PRPF3: variants seen among roughly 807,000 people sequenced by gnomAD.
The protein encoded by PRPF3 is U4/U6 small nuclear ribonucleoprotein Prp3.
A neutral mutation model predicts 89.2 loss-of-function variants in PRPF3; 3 were observed. The ratio of observed to expected loss-of-function variants is 0.03; its 90% confidence interval spans 0.02 to 0.09. PRPF3 has a LOEUF of 0.09. PRPF3 is among the 10% of genes least tolerant of loss of function. PRPF3 has a pLI of 1.00. For synonymous variants in PRPF3, 270 were observed against 289.1 expected, an observed-to-expected ratio of 0.93 and a Z score of 0.67; for missense variants, 463 against 828.8, an observed-to-expected ratio of 0.56 and a Z score of 5.42.
chr1:150,350,453 C>T (rs1285376895), intron 15 of PRPF3, among the ~76,000 whole-genome samples: 3 of 152,142 alleles, frequency 2.0e-5, no homozygotes, highest in African/African-American at 7.2e-5. Context: ...CTGCCTTGGC[C>T]TCCCAAAGTG....
At chr1:150,350,175 C>CA (rs1262258548) in intron 15 of PRPF3, among the ~76,000 whole-genome samples, 1 of 150,142 alleles carries the variant, frequency 6.7e-6, no homozygotes, top group Non-Finnish European at 1.5e-5. Context: ...GGATTACAGG[C>CA]ATGAGCCACT....
intron 4 of PRPF3, 128 bp from the exon 5 acceptor site, chr1:150,332,556 A>G: frequency 1.1e-6 from 1 of 898,724 alleles, no homozygotes; most frequent in Non-Finnish European, 1.8e-6. Context: ...TGGTGCAGGC[A>G]GAATGTGGTA....
intron 7 of PRPF3, among the ~76,000 whole-genome samples, chr1:150,335,649 G>A (rs1656889978): frequency 6.6e-6 from 1 of 151,572 alleles, no homozygotes; most frequent in Non-Finnish European, 1.5e-5. Flanking sequence ...ATTTTTGGTG[G>A]AGACGGGGTT....
At chr1:150,340,751 A>G (rs758675895) in intron 9 of PRPF3, among the ~76,000 whole-genome samples, 4 of 152,064 alleles carry the variant, frequency 2.6e-5, no homozygotes, top group Non-Finnish European at 4.4e-5. Context: ...AGGCCAAGGC[A>G]GGAGGATTGC....
At chr1:150,347,245 GAT>G (rs35619920) in intron 14 of PRPF3, among the ~76,000 whole-genome samples, 3 of 149,568 alleles carry the variant, frequency 2.0e-5, no homozygotes, top group East Asian at 3.9e-4. Context: ...TCTTTTGTCT[GAT>G]ATATATATAT....
intron 15 of PRPF3, among the ~76,000 whole-genome samples, chr1:150,349,538 TG>T (rs1315848969): frequency 6.6e-6 from 1 of 152,150 alleles, no homozygotes; most frequent in Non-Finnish European, 1.5e-5. Context: ...AATGAATTGT[TG>T]TTGGATTTAC....
intron 3 of PRPF3, among the ~76,000 whole-genome samples, chr1:150,326,967 A>T (rs1001030340): frequency 6.6e-6 from 1 of 151,902 alleles, no homozygotes; most frequent in Non-Finnish European, 1.5e-5. Context: ...TTTCAGACCT[A>T]TGTTGAATTT....
At chr1:150,331,093 A>G (rs1369577694) in intron 4 of PRPF3, among the ~76,000 whole-genome samples, 1 of 151,998 alleles carries the variant, frequency 6.6e-6, no homozygotes, top group Non-Finnish European at 1.5e-5. Context: ...GCTGGAGTGC[A>G]ATGCCGTGAT....
chr1:150,341,284 T>C lies in PRPF3; in HGVS notation c.1282+807T>C, dbSNP rs1442658107. 5.3e-5 allele frequency among the ~76,000 whole-genome samples: 8 copies of C among 152,016 alleles called. 1 individual carries two copies. Among genetic ancestry groups the C allele is most frequent in the African/African-American group, 1.9e-4 (8 of 41,394 alleles). On this transcript the variant is annotated intron_variant, in intron 9 of 15. Coordinates refer to ENST00000324862, the MANE Select transcript of PRPF3 (RefSeq NM_004698.4). ...AAATGCAAATGCAAGAGCCAAACTC[T>C]TGGGTTGGTGTGTTATTAGATGCGA... is the stretch of plus-strand genomic sequence containing the variant.
chr1:150,352,888 A>G lies in PRPF3; in HGVS notation c.1961A>G (p.Glu654Gly). ...GEMKFKQCPT[E>G]NMAREHFKKH... ...ATGAAGTTTAAACAGTGTCCTACAG[A>G]GAACATGGCTCGTGAGCATTTCAAA... The change falls in exon 16 of 16, where the codon GAG becomes GGG. Residue 654 changes from glutamate (E) to glycine (G), a missense_variant. Coordinates refer to ENST00000324862, the MANE Select transcript of PRPF3 (RefSeq NM_004698.4). 1 of 1,614,228 alleles carries G rather than the reference A, an allele frequency of 6.2e-7. No homozygotes were observed. Among genetic ancestry groups the G allele is most frequent in the East Asian group, 2.2e-5 (1 of 44,888 alleles).
intron 15 of PRPF3, among the ~76,000 whole-genome samples, 155 bp from the exon 16 acceptor site, chr1:150,352,678 T>C (rs1659064837): frequency 6.6e-6 from 1 of 151,954 alleles, no homozygotes; most frequent in African/African-American, 2.4e-5. Flanking sequence ...AAAACACAAA[T>C]ATCCAAGGAA....
In PRPF3 at chr1:150,343,271, T is replaced by G. The variant is rs587629760; in HGVS notation, c.1283-38T>G. On this transcript the variant is annotated intron_variant, in intron 9 of 15. Transcript: ENST00000324862. ...AAAATATATATATATATATATGTATTCTTACTGCTTTGGTATACTAATATC... is the reference window on the plus strand; with the variant it reads ...AAAATATATATATATATATATGTATGCTTACTGCTTTGGTATACTAATATC... 19 of 1,436,600 alleles carry G rather than the reference T, an allele frequency of 1.3e-5. No individual in the cohort carries two copies. The South Asian group carries it at 2.0e-4, about 15-fold the overall frequency. 89.0% of individuals were successfully genotyped at this position (1,436,600 alleles called of 1,614,324 possible). A position where few individuals can be genotyped will look rare whatever the true frequency, so the allele number is the denominator to read the frequency against.
At chr1:150,346,330 T>C in intron 13 of PRPF3, 78 bp from the exon 14 acceptor site, 1 of 1,447,360 alleles carries the variant, frequency 6.9e-7, no homozygotes, top group Non-Finnish European at 9.7e-7. Flanking sequence ...AACTACCACA[T>C]TAATGTCTGA....
At chr1:150,349,102 A>T (rs1240379996) in intron 14 of PRPF3, 55 bp from the exon 15 acceptor site, 5 of 1,397,272 alleles carry the variant, frequency 3.6e-6, no homozygotes, top group Admixed American at 1.7e-5. Context: ...CTTGAATATT[A>T]TTTGTTTAGA....
chr1:150,325,657 G>T lies in PRPF3; in HGVS notation c.146-94G>T. ...AACTTAAAATTTGTTTCACTCCTGG[G>T]AATAAAATTCCAGTGTTGGTACCTG... is the stretch of plus-strand genomic sequence containing the variant. On this transcript the variant is annotated intron_variant, in intron 2 of 15. Coordinates refer to ENST00000324862, the MANE Select transcript of PRPF3 (RefSeq NM_004698.4). The T allele has an allele frequency of 3.3e-6, 5 of 1,508,894 alleles. No individual in the cohort carries two copies. In the South Asian group the frequency reaches 5.7e-5, roughly 17 times the overall value. The allele number at this position is 1,508,894 out of a possible 1,614,324, so 93.5% of individuals were successfully genotyped here. A position where few individuals can be genotyped will look rare whatever the true frequency, so the allele number is the denominator to read the frequency against.
At chr1:150,347,322 A>G (rs1658387630) in intron 14 of PRPF3, among the ~76,000 whole-genome samples, 1 of 151,866 alleles carries the variant, frequency 6.6e-6, no homozygotes, top group African/African-American at 2.4e-5. Flanking sequence ...ACATACACAT[A>G]CACACAATAC....
chr1:150,350,115 T>G (rs2794680), intron 15 of PRPF3, among the ~76,000 whole-genome samples: 2 of 151,526 alleles, frequency 1.3e-5, no homozygotes, highest in African/African-American at 2.4e-5. Flanking sequence ...AGGCTGGTCT[T>G]GAACTCCCAA....
intron 4 of PRPF3, chr1:150,330,445 T>C (rs587752059): frequency 6.5e-6 from 1 of 152,716 alleles, no homozygotes; most frequent in Non-Finnish European, 1.5e-5. Flanking sequence ...AACCTCTGCC[T>C]CCCGGGTTCA....
At position 150,345,774 on chromosome 1, in the gene PRPF3, A is replaced by C. The variant is rs1331429448; in HGVS notation, c.1641-244A>C. 2.4e-5 allele frequency: 12 copies of C among 508,638 alleles called. No individual in the cohort carries two copies. The Admixed American group carries it at 2.6e-4, about 11-fold the overall frequency. 31.5% of individuals were successfully genotyped at this position (508,638 alleles called of 1,614,324 possible). On this transcript the variant is annotated intron_variant, in intron 12 of 15. Transcript: ENST00000324862. ...TAGTAAATACCTCTCCCTGACTCTT[A>C]GAGTAAACTTTGGTTAGTAATGTAA...
Sources: allele counts gnomAD v4.1 joint callset (sites outside exome capture counted in the v4.1 genomes callset), GRCh38; gene constraint gnomAD v4.1.1; transcripts MANE v1.5; gene names NCBI Gene and HGNC (gene_info 2026-07-23, HGNC 2026-07-21).